Variants in SNX4 observed in about 807,000 individuals in gnomAD.
SNX4 encodes the protein sorting nexin-4.
A neutral mutation model predicts 70.8 loss-of-function variants in SNX4; 49 were observed. The observed-to-expected ratio is 0.69, with a 90% CI of 0.55 to 0.88. SNX4 has a LOEUF of 0.88. Among genes scored for constraint, SNX4 ranks in the 40% least tolerant of loss-of-function variants. The pLI is 0.00. For missense variants in SNX4, 528 were observed against 544.8 expected, an observed-to-expected ratio of 0.97 and a Z score of 0.31; for synonymous variants, 206 against 183.8, an observed-to-expected ratio of 1.12 and a Z score of -0.98.
Position 125,460,782 on chromosome 3 carries a change from T to C in SNX4, c.933A>G (p.Ala311=), listed in dbSNP as rs774637247. Residue 311 remains alanine, a synonymous_variant, in exon 10 of 14, where the codon GCA becomes GCG. Coordinates refer to ENST00000251775, the MANE Select transcript of SNX4 (RefSeq NM_003794.4). ...ADQLKEYLFY[A]EALRAVCRKH... ...TTTATTAAACTTACCGCAATGCTTC[T>C]GCATAAAAAAGATACTCTTTTAACT... 9.7e-6 allele frequency: 15 copies of C among 1,539,684 alleles called. No individual in the cohort carries two copies. Among genetic ancestry groups the C allele is most frequent in the East Asian group, 2.3e-5 (1 of 42,918 alleles).
intron 6 of SNX4, among the ~76,000 whole-genome samples, chr3:125,482,658 T>G (rs756986059): frequency 7.2e-5 from 11 of 152,120 alleles, no homozygotes; most frequent in Non-Finnish European, 1.6e-4. Flanking sequence ...GGTTATCCGC[T>G]GATCCTGAGA....
intron 10 of SNX4, among the ~76,000 whole-genome samples, chr3:125,459,236 C>T (rs1933812658): frequency 1.3e-5 from 2 of 152,086 alleles, no homozygotes; most frequent in South Asian, 4.1e-4. Flanking sequence ...CCTCCAATCC[C>T]ACTATCCAGA....
intron 2 of SNX4, among the ~76,000 whole-genome samples, chr3:125,500,334 TA>T (rs1358232468): frequency 1.3e-5 from 2 of 152,140 alleles, no homozygotes; most frequent in South Asian, 2.1e-4. Flanking sequence ...CTACCTATTC[TA>T]AAAGAGACAT....
intron 9 of SNX4, among the ~76,000 whole-genome samples, chr3:125,462,051 G>C (rs1172360193): frequency 3.9e-5 from 6 of 152,152 alleles, no homozygotes; most frequent in Non-Finnish European, 2.9e-5. Flanking sequence ...CATTTGTACA[G>C]AATGTGATGG....
intron 5 of SNX4, among the ~76,000 whole-genome samples, chr3:125,495,277 T>TATATACATACAC: frequency 1.6e-4 from 16 of 99,612 alleles, no homozygotes; most frequent in South Asian, 1.1e-3. Flanking sequence ...TATATATATA[T>TATATACATACAC]ACACATACAC....
intron 10 of SNX4, 136 bp from the exon 11 acceptor site, chr3:125,457,501 G>T: frequency 1.9e-6 from 1 of 514,612 alleles, no homozygotes; most frequent in Non-Finnish European, 3.6e-6. Flanking sequence ...AGTTTAAAAT[G>T]TAGTAGCCCA....
At chr3:125,458,102 C>G (rs1933769968) in intron 10 of SNX4, among the ~76,000 whole-genome samples, 1 of 151,124 alleles carries the variant, frequency 6.6e-6, no homozygotes. Flanking sequence ...CACATAGCAA[C>G]TGAGTATTCT....
At chr3:125,508,781 T>A (rs1935104072) in intron 1 of SNX4, among the ~76,000 whole-genome samples, 1 of 152,074 alleles carries the variant, frequency 6.6e-6, no homozygotes, top group South Asian at 2.1e-4. Flanking sequence ...GGACAATTTT[T>A]CCAACAAATG....
chr3:125,489,451 A>T lies in SNX4; in HGVS notation c.610T>A (p.Leu204Ile). 6.2e-7 allele frequency: 1 copy of T among 1,613,152 alleles called. No individual in the cohort carries two copies. The highest frequency in any genetic ancestry group is 1.1e-5 in the South Asian group (1 of 90,912). ...CTGAATGTTGCATTAAGCGCTTTTAACCTGGAGTCTGCCTGGAAAAAATAA... is the reference window on the plus strand; with the variant it reads ...CTGAATGTTGCATTAAGCGCTTTTATCCTGGAGTCTGCCTGGAAAAAATAA... ...TGFQLKADSR[L>I]KALNATFRVK... is the part of the protein sequence containing the mutation. The change falls in exon 6 of 14, where the codon TTA (leucine) becomes ATA (isoleucine). Residue 204 changes from leucine (L) to isoleucine (I), a missense_variant. By Grantham distance (5) the Leu-to-Ile change is conservative (BLOSUM62 2). Coordinates refer to ENST00000251775, the MANE Select transcript of SNX4 (RefSeq NM_003794.4).
At chr3:125,507,330 G>A (rs576670781) in intron 1 of SNX4, among the ~76,000 whole-genome samples, 1 of 152,138 alleles carries the variant, frequency 6.6e-6, no homozygotes, top group African/African-American at 2.4e-5. Context: ...TAGAAGATAG[G>A]AGAATGGAAA....
At chr3:125,451,785 C>G (rs1933580943) in intron 12 of SNX4, among the ~76,000 whole-genome samples, 1 of 151,994 alleles carries the variant, frequency 6.6e-6, no homozygotes, top group Non-Finnish European at 1.5e-5. Context: ...CGCCACTACG[C>G]CCAACTAATT....
intron 9 of SNX4, among the ~76,000 whole-genome samples, chr3:125,465,331 C>T (rs753017421): frequency 1.1e-4 from 17 of 151,124 alleles, no homozygotes; most frequent in Non-Finnish European, 1.8e-4. Flanking sequence ...CTGTAGCCTC[C>T]GCCTCCTGGG....
At chr3:125,508,167 C>T (rs9871412) in intron 1 of SNX4, among the ~76,000 whole-genome samples, 82,493 of 152,032 alleles carry the variant, frequency 0.54, 24,082 homozygotes, top group African/African-American at 0.78. Context: ...GCAAACCCTA[C>T]GAAAATCCCA....
At chr3:125,472,245 A>C (rs774149370) in intron 8 of SNX4, among the ~76,000 whole-genome samples, 1 of 152,176 alleles carries the variant, frequency 6.6e-6, no homozygotes, top group Non-Finnish European at 1.5e-5. Flanking sequence ...TTCCCCTCTC[A>C]AACTGCAAAC....
chr3:125,472,530 T>C (rs921776426), intron 8 of SNX4, among the ~76,000 whole-genome samples: 1 of 152,182 alleles, frequency 6.6e-6, no homozygotes, highest in African/African-American at 2.4e-5. Context: ...AAATAAACTT[T>C]TAAAAATAAA....
chr3:125,484,895 G>A (rs7612174), intron 6 of SNX4, among the ~76,000 whole-genome samples: 25,189 of 151,812 alleles, frequency 0.17, 2,275 homozygotes, highest in African/African-American at 0.23. Flanking sequence ...GTGAAACCCC[G>A]TCTTTACTAA....
At chr3:125,473,172 C>T (rs890598472) in intron 8 of SNX4, among the ~76,000 whole-genome samples, 1 of 152,090 alleles carries the variant, frequency 6.6e-6, no homozygotes, top group Non-Finnish European at 1.5e-5. Context: ...TTTGTCAACC[C>T]TTGTCTCCTT....
rs751134341 is a variant in SNX4 at position 125,485,447 on chromosome 3, G to A, written c.653+3961C>T. On this transcript the variant is annotated intron_variant, in intron 6 of 13. Coordinates refer to ENST00000251775, the MANE Select transcript of SNX4 (RefSeq NM_003794.4). ...CAAGTAGCTGGGATTACAGGCATGT[G>A]CCACCATGCCTGGCTAATTTTTGTA... Among the ~76,000 whole-genome samples, 102 of 151,914 alleles carry A rather than the reference G, an allele frequency of 6.7e-4. 1 individual carries two copies. The highest frequency in any genetic ancestry group is 1.3e-3 in the Non-Finnish European group (88 of 67,984).
intron 13 of SNX4, among the ~76,000 whole-genome samples, chr3:125,450,828 C>T (rs16836828): frequency 0.041 from 6,189 of 152,256 alleles, 225 homozygotes; most frequent in East Asian, 0.12. Context: ...AAAGCATATA[C>T]CTGGAATGGT....
Sources: allele counts gnomAD v4.1 joint callset (sites outside exome capture counted in the v4.1 genomes callset), GRCh38; gene constraint gnomAD v4.1.1; transcripts MANE v1.5; gene names NCBI Gene and HGNC (gene_info 2026-07-23, HGNC 2026-07-21).